The following SBF2 variants were observed in gnomAD, a reference collection of about 807,000 sequenced individuals.
SBF2 encodes the protein myotubularin-related protein 13.
SBF2 carries 112 observed loss-of-function variants against 225.2 expected under a neutral mutation model. The observed-to-expected ratio is 0.50, with a 90% CI of 0.43 to 0.58. SBF2 has a LOEUF of 0.58. SBF2 is among the 20% of genes least tolerant of loss of function. The pLI is 0.00. For synonymous variants in SBF2, 763 were observed against 773.3 expected, an observed-to-expected ratio of 0.99 and a Z score of 0.22; for missense variants, 1,996 against 2,206.2, an observed-to-expected ratio of 0.90 and a Z score of 1.91.
chr11:9,875,882 C>T (rs1334297207), intron 17 of SBF2, among the ~76,000 whole-genome samples: 1 of 151,886 alleles, frequency 6.6e-6, no homozygotes, highest in Admixed American at 6.6e-5. Flanking sequence ...CACACACAAA[C>T]ACATAACACT....
At chr11:10,122,439 C>T (rs1279192728) in intron 2 of SBF2, among the ~76,000 whole-genome samples, 1 of 152,114 alleles carries the variant, frequency 6.6e-6, no homozygotes, top group African/African-American at 2.4e-5. Flanking sequence ...GAGTGCACAG[C>T]TAGAACTCAG....
intron 16 of SBF2, chr11:9,960,206 G>A (rs1467281669): frequency 6.5e-6 from 1 of 152,816 alleles, no homozygotes; most frequent in Non-Finnish European, 1.5e-5. Context: ...TGAGGTTTAT[G>A]TTTTCCCTCT....
chr11:10,149,081 A>T (rs1225909387), intron 2 of SBF2: 1 of 152,232 alleles, frequency 6.6e-6, no homozygotes, highest in Non-Finnish European at 1.5e-5. Flanking sequence ...GAATCATAGC[A>T]GCTTCCAGTC....
intron 1 of SBF2, among the ~76,000 whole-genome samples, chr11:10,218,234 A>T (rs1386469269): frequency 6.6e-6 from 1 of 151,808 alleles, no homozygotes; most frequent in East Asian, 1.9e-4. Context: ...CAGGCAAGTG[A>T]GTGTGTGCAG....
At chr11:9,924,200 C>T (rs1863849124) in intron 16 of SBF2, among the ~76,000 whole-genome samples, 1 of 152,162 alleles carries the variant, frequency 6.6e-6, no homozygotes, top group Admixed American at 6.5e-5. Flanking sequence ...AAGTGATATG[C>T]ATTCGGTAGG....
intron 1 of SBF2, among the ~76,000 whole-genome samples, chr11:10,267,646 T>G (rs573099040): frequency 6.6e-6 from 1 of 151,670 alleles, no homozygotes; most frequent in Non-Finnish European, 1.5e-5. Flanking sequence ...ATAGATGGGA[T>G]GGAGCTGAGT....
chr11:9,829,868 G>A (rs1226104078), intron 27 of SBF2, among the ~76,000 whole-genome samples: 1 of 152,254 alleles, frequency 6.6e-6, no homozygotes, highest in African/African-American at 2.4e-5. Flanking sequence ...ACGCCTTGAT[G>A]ATATCCCCCA....
chr11:9,995,719 C>T (rs1193250017), intron 9 of SBF2, among the ~76,000 whole-genome samples: 1 of 150,236 alleles, frequency 6.7e-6, no homozygotes, highest in East Asian at 2.0e-4. Context: ...GGCGTGATCT[C>T]GGCTCACTGC....
rs190840625 is a variant in SBF2 at position 9,991,678 on chromosome 11, A to G, written c.1296+737T>C. Among the ~76,000 whole-genome samples, 67 of 152,346 alleles carry G rather than the reference A, an allele frequency of 4.4e-4. 2 individuals are homozygous for G. The East Asian group carries it at 0.011, about 26-fold the overall frequency. Reference sequence around the variant, plus strand: ...ATAAAAGGAAAGATGCTTTTAAAAAAGAGCACAATAAATGCAAAACAGCAT... The same window carrying G: ...ATAAAAGGAAAGATGCTTTTAAAAAGGAGCACAATAAATGCAAAACAGCAT... On this transcript the variant is annotated intron_variant, in intron 12 of 39. Coordinates refer to ENST00000256190, the MANE Select transcript of SBF2 (RefSeq NM_030962.4).
rs1193551082 is a variant in SBF2 at position 9,785,207 on chromosome 11, A to G, written c.5149T>C (p.Ser1717Pro). The change falls in exon 37 of 40, where the codon TCC becomes CCC. Residue 1717 changes from serine (S) to proline (P), a missense_variant. Transcript: ENST00000256190. ...ACTCCATTGGATGGGGAGATGCTGG[A>G]ATTCTGTTCCTCCCCCATGCTGCTG... The part of the protein sequence containing the change: ...PDSSMGEEQN[S>P]SISPSNGVER... 6.2e-7 allele frequency: 1 copy of G among 1,614,118 alleles called. No individual in the cohort carries two copies. The highest frequency in any genetic ancestry group is 1.7e-5 in the Admixed American group (1 of 60,012).
chr11:10,115,519 C>G (rs1953094710), intron 2 of SBF2, among the ~76,000 whole-genome samples: 1 of 152,170 alleles, frequency 6.6e-6, no homozygotes, highest in Non-Finnish European at 1.5e-5. Context: ...AAATATACTA[C>G]ATTCCCATTT....
intron 2 of SBF2, among the ~76,000 whole-genome samples, chr11:10,066,277 C>T (rs1220519047): frequency 6.6e-6 from 1 of 151,638 alleles, no homozygotes; most frequent in Admixed American, 6.6e-5. Flanking sequence ...AAGAAAACTA[C>T]AGTTCAATAT....
intron 17 of SBF2, among the ~76,000 whole-genome samples, chr11:9,886,699 G>GTTTTTTGTT (rs142049684): frequency 3.0e-5 from 4 of 133,740 alleles, no homozygotes; most frequent in Non-Finnish European, 4.7e-5. Flanking sequence ...TGATTCATGT[G>GTTTTTTGTT]TTTTTTTTTT....
intron 28 of SBF2, among the ~76,000 whole-genome samples, chr11:9,822,385 C>T (rs929367859): frequency 1.3e-5 from 2 of 151,982 alleles, no homozygotes; most frequent in Admixed American, 6.6e-5. Context: ...CTCAGCCTCC[C>T]GCATAGCTGG....
At chr11:10,139,129 T>C (rs1954526276) in intron 2 of SBF2, among the ~76,000 whole-genome samples, 1 of 152,216 alleles carries the variant, frequency 6.6e-6, no homozygotes, top group African/African-American at 2.4e-5. Flanking sequence ...TTAAATTTCA[T>C]TTGGGAAGGA....
chr11:10,173,319 G>A (rs967813706), intron 2 of SBF2, among the ~76,000 whole-genome samples: 7 of 152,186 alleles, frequency 4.6e-5, no homozygotes, highest in Admixed American at 6.5e-5. Context: ...TGCGCAAGCC[G>A]AAGCAGGGCA....
intron 16 of SBF2, among the ~76,000 whole-genome samples, chr11:9,936,332 G>C (rs1041023419): frequency 6.6e-6 from 1 of 152,182 alleles, no homozygotes; most frequent in African/African-American, 2.4e-5. Flanking sequence ...TGGAGAAATA[G>C]GAATGCTTTT....
At position 10,173,890 on chromosome 11, in the gene SBF2, A is replaced by G. The variant is rs1024115026; in HGVS notation, c.141+20012T>C. ...GCAGCCTAACTGGGAGGCACCCCCCAGCAGGGGCAGACTGACACCTCACAG... is the reference window on the plus strand; with the variant it reads ...GCAGCCTAACTGGGAGGCACCCCCCGGCAGGGGCAGACTGACACCTCACAG... On this transcript the variant is annotated intron_variant, in intron 2 of 39. Transcript: ENST00000256190. Among the ~76,000 whole-genome samples the G allele has an allele frequency of 1.9e-4, 29 of 151,958 alleles. No individual in the cohort carries two copies. The South Asian group carries it at 3.7e-3, about 20-fold the overall frequency.
At chr11:10,051,964 G>C (rs1238965387) in intron 2 of SBF2, among the ~76,000 whole-genome samples, 4 of 152,054 alleles carry the variant, frequency 2.6e-5, no homozygotes, top group Non-Finnish European at 5.9e-5. Context: ...ATGTGTTAGA[G>C]AAATAAACAA....
Sources: allele counts gnomAD v4.1 joint callset (sites outside exome capture counted in the v4.1 genomes callset), GRCh38; gene constraint gnomAD v4.1.1; transcripts MANE v1.5; gene names NCBI Gene and HGNC (gene_info 2026-07-23, HGNC 2026-07-21).